GRID2: variants seen among roughly 807,000 people sequenced by gnomAD.
GRID2 encodes glutamate ionotropic receptor delta type subunit 2, also known as glutamate receptor ionotropic, delta-2.
GRID2 carries 33 observed loss-of-function variants against 114.8 expected under a neutral mutation model. The ratio of observed to expected loss-of-function variants is 0.29; its 90% CI spans 0.22 to 0.38. The LOEUF (loss-of-function observed/expected upper bound fraction) is 0.38. Among genes scored for constraint, GRID2 ranks in the 10% least tolerant of loss-of-function variants. The pLI, the probability that GRID2 is intolerant of heterozygous loss-of-function variation, is 1.00. For synonymous variants in GRID2, 505 were observed against 449.9 expected (o/e 1.12, Z -1.55); for missense variants, 1,184 against 1,257.7 (o/e 0.94, Z 0.89).
At chr4:93,532,600 A>G (rs1392721198) in intron 13 of GRID2, among the ~76,000 whole-genome samples, 1 of 152,192 alleles carries the variant, frequency 6.6e-6, no homozygotes, top group Non-Finnish European at 1.5e-5. Flanking sequence ...GTGAAGCTCA[A>G]GAAGCTTTTA....
intron 1 of GRID2, among the ~76,000 whole-genome samples, chr4:92,554,795 T>C (rs1207559304): frequency 6.6e-6 from 1 of 152,190 alleles, no homozygotes; most frequent in Non-Finnish European, 1.5e-5. Context: ...ATCAGGAGTA[T>C]TGGTATTACA....
intron 12 of GRID2, among the ~76,000 whole-genome samples, chr4:93,502,511 T>A (rs2149475401): frequency 6.6e-6 from 1 of 152,048 alleles, no homozygotes; most frequent in African/African-American, 2.4e-5. Context: ...TCTTATTTTC[T>A]TTTTCTAGTT....
intron 13 of GRID2, among the ~76,000 whole-genome samples, chr4:93,547,733 A>G (rs1172791713): frequency 6.6e-6 from 1 of 152,052 alleles, no homozygotes; most frequent in East Asian, 1.9e-4. Context: ...TGAGATTCAA[A>G]CCCATGCAGT....
chr4:93,301,238 G>A (rs998025572), intron 8 of GRID2, among the ~76,000 whole-genome samples: 1 of 152,124 alleles, frequency 6.6e-6, no homozygotes, highest in African/African-American at 2.4e-5. Context: ...ATTGTAAACT[G>A]TCTTTACTTC....
chr4:92,870,140 G>T (rs541485325), intron 2 of GRID2, among the ~76,000 whole-genome samples: 31 of 151,944 alleles, frequency 2.0e-4, no homozygotes, highest in Non-Finnish European at 2.1e-4. Context: ...GCTCAAGTTT[G>T]TGGTGAGCTG....
intron 1 of GRID2, among the ~76,000 whole-genome samples, chr4:92,512,583 A>G (rs1054074085): frequency 2.0e-5 from 3 of 151,840 alleles, no homozygotes; most frequent in African/African-American, 7.2e-5. Flanking sequence ...GCTTTAACTA[A>G]ATTAATATTT....
intron 1 of GRID2, among the ~76,000 whole-genome samples, chr4:92,465,790 A>AT (rs1721722742): frequency 6.6e-6 from 1 of 151,928 alleles, no homozygotes; most frequent in Admixed American, 6.6e-5. Context: ...GGTCAGTTCA[A>AT]TTTTCTACCC....
intron 12 of GRID2, 53 bp from the exon 13 acceptor site, chr4:93,515,163 G>T: frequency 2.7e-6 from 2 of 748,728 alleles, no homozygotes; most frequent in Non-Finnish European, 4.1e-6. Flanking sequence ...ATTCCCACTT[G>T]AAAATACTCA....
At chr4:92,700,993 CA>C (rs781142253) in intron 2 of GRID2, among the ~76,000 whole-genome samples, 203 of 83,818 alleles carry the variant, frequency 2.4e-3, no homozygotes, top group South Asian at 4.0e-3. Flanking sequence ...GACTCCATCT[CA>C]AAAAAAAAAA....
intron 2 of GRID2, among the ~76,000 whole-genome samples, chr4:93,009,287 T>C (rs530146132): frequency 6.6e-6 from 1 of 152,192 alleles, no homozygotes; most frequent in African/African-American, 2.4e-5. Context: ...CAGTAGTTTC[T>C]TACTACACTG....
At chr4:93,383,485 C>A (rs984831370) in intron 8 of GRID2, among the ~76,000 whole-genome samples, 1 of 152,106 alleles carries the variant, frequency 6.6e-6, no homozygotes, top group South Asian at 2.1e-4. Flanking sequence ...AAGTTTCAAG[C>A]CTTCAATAGA....
At chr4:92,835,453 G>A (rs1396791080) in intron 2 of GRID2, among the ~76,000 whole-genome samples, 1 of 152,096 alleles carries the variant, frequency 6.6e-6, no homozygotes, top group Non-Finnish European at 1.5e-5. Flanking sequence ...CTAGTACAGA[G>A]GAAGTTCTGG....
chr4:92,599,053 GTCTCTC>G (rs140216682), intron 2 of GRID2, among the ~76,000 whole-genome samples: 7 of 88,584 alleles, frequency 7.9e-5, no homozygotes, highest in African/African-American at 3.2e-4. Context: ...TTTTTTTCCT[GTCTCTC>G]TCTCTCTCTC....
At chr4:92,814,414 A>T (rs1740787620) in intron 2 of GRID2, among the ~76,000 whole-genome samples, 1 of 152,154 alleles carries the variant, frequency 6.6e-6, no homozygotes, top group African/African-American at 2.4e-5. Flanking sequence ...GTACCCAAAA[A>T]GAACCTCTTC....
intron 2 of GRID2, among the ~76,000 whole-genome samples, chr4:92,667,786 C>G (rs558501670): frequency 1.3e-5 from 2 of 151,632 alleles, no homozygotes; most frequent in Non-Finnish European, 3.0e-5. Flanking sequence ...AAATCTCATT[C>G]TCTTGCTTGG....
intron 1 of GRID2, among the ~76,000 whole-genome samples, chr4:92,399,851 C>T (rs544047792): frequency 6.6e-6 from 1 of 152,068 alleles, no homozygotes; most frequent in East Asian, 1.9e-4. Context: ...TGAATAAATA[C>T]ATAGTTACAG....
intron 9 of GRID2, among the ~76,000 whole-genome samples, chr4:93,410,226 C>CT (rs1400432021): frequency 6.6e-6 from 1 of 152,022 alleles, no homozygotes; most frequent in Non-Finnish European, 1.5e-5. Context: ...TTTTTATTTG[C>CT]TTTTTCCTGT....
chr4:92,473,166 T>C (rs1722125991), intron 1 of GRID2, among the ~76,000 whole-genome samples: 1 of 152,116 alleles, frequency 6.6e-6, no homozygotes, highest in South Asian at 2.1e-4. Flanking sequence ...CTTCACTGAA[T>C]CCCCTTCACA....
At chr4:93,222,966 G>A (rs1745066592) in intron 6 of GRID2, among the ~76,000 whole-genome samples, 1 of 152,102 alleles carries the variant, frequency 6.6e-6, no homozygotes, top group South Asian at 2.1e-4. Context: ...TTCACCAAAG[G>A]GAAGAGTAAA....
Sources: gnomAD v4.1 joint callset for allele counts (sites outside exome capture counted in the v4.1 genomes callset) on GRCh38, gnomAD v4.1.1 for gene constraint, MANE v1.5 for transcripts, NCBI Gene and HGNC (gene_info 2026-07-23, HGNC 2026-07-21) for gene names.